The following HAO1 variants were observed in gnomAD, a reference collection of about 807,000 sequenced individuals.
HAO1 encodes 2-Hydroxyacid oxidase 1.
HAO1 carries 34 observed loss-of-function variants against 39.7 expected under a neutral mutation model. That is an observed-to-expected ratio of 0.86 (90% confidence interval 0.65 to 1.14). The LOEUF is 1.14. HAO1 is among the 50% of genes most tolerant of loss of function. The pLI, the probability that HAO1 is intolerant of heterozygous loss-of-function variation, is 0.00. For missense variants in HAO1, 479 were observed against 464.5 expected (o/e 1.03, Z -0.29); for synonymous variants, 172 against 173.2 (o/e 0.99, Z 0.05).
rs1192460385 is a variant in HAO1 at position 7,933,519 on chromosome 20, T to C, written c.289+965A>G. ...GAGGCCCCAAAGCCACTTATTTGTA[T>C]GTGGTCCTAGAATTAAGGAAGCTGC... is the stretch of plus-strand genomic sequence containing the variant. On this transcript the variant is annotated intron_variant, in intron 2 of 7. Coordinates refer to ENST00000378789, the MANE Select transcript of HAO1 (RefSeq NM_017545.3). Among the ~76,000 whole-genome samples, 8 of 152,328 alleles carry C rather than the reference T, an allele frequency of 5.3e-5. No homozygotes were observed. The East Asian group carries it at 1.5e-3, about 29-fold the overall frequency.
At chr20:7,931,081 G>A (rs1039306143) in intron 2 of HAO1, among the ~76,000 whole-genome samples, 3 of 152,134 alleles carry the variant, frequency 2.0e-5, no homozygotes, top group Non-Finnish European at 4.4e-5. Flanking sequence ...TAGAAACCCT[G>A]GAGAGAGGTT....
At chr20:7,888,084 G>C (rs1051309639) in intron 5 of HAO1, among the ~76,000 whole-genome samples, 2 of 152,086 alleles carry the variant, frequency 1.3e-5, no homozygotes, top group African/African-American at 4.8e-5. Flanking sequence ...GCTTCTTCGG[G>C]CAAGTAATTG....
chr20:7,926,683 A>G (rs1406956025), intron 2 of HAO1, among the ~76,000 whole-genome samples: 4 of 152,094 alleles, frequency 2.6e-5, no homozygotes, highest in Admixed American at 6.6e-5. Context: ...TTACTCTGCA[A>G]TCTGTTCCAC....
rs1416195104 is a variant in HAO1 at position 7,934,156 on chromosome 20, A to G, written c.289+328T>C. Among the ~76,000 whole-genome samples the G allele has an allele frequency of 2.0e-5, 3 of 152,144 alleles. No individual in the cohort carries two copies. In the East Asian group the frequency reaches 5.8e-4, roughly 29 times the overall value. ...TACTATTAATACCCATAATATAACC[A>G]ACAGTTACTGAGCCCCTACTCTCTG... On this transcript the variant is annotated intron_variant, in intron 2 of 7. Coordinates refer to ENST00000378789, the MANE Select transcript of HAO1 (RefSeq NM_017545.3).
At position 7,910,887 on chromosome 20, in the gene HAO1, C is replaced by T. The variant is rs185157578; in HGVS notation, c.545+3277G>A. Among the ~76,000 whole-genome samples the T allele has an allele frequency of 2.4e-3, 360 of 152,246 alleles. 1 individual carries two copies. Among genetic ancestry groups the T allele is most frequent in the Non-Finnish European group, 3.8e-3 (257 of 68,028 alleles). The stretch of plus-strand genomic sequence containing the variant: ...GTCCTCCACTGACCTCTCTCCCCTG[C>T]CCCCACCCTGTTATCTTGCTCATAT... On this transcript the variant is annotated intron_variant, in intron 3 of 7. Transcript: ENST00000378789.
chr20:7,931,617 A>C (rs2050386048), intron 2 of HAO1, among the ~76,000 whole-genome samples: 1 of 152,212 alleles, frequency 6.6e-6, no homozygotes, highest in Non-Finnish European at 1.5e-5. Flanking sequence ...CTGGAACATG[A>C]TAATTGCTTT....
At chr20:7,925,664 C>A (rs2050355703) in intron 2 of HAO1, among the ~76,000 whole-genome samples, 1 of 152,154 alleles carries the variant, frequency 6.6e-6, no homozygotes, top group Non-Finnish European at 1.5e-5. Flanking sequence ...ACAACTTCAA[C>A]CAACCTCCCA....
At chr20:7,914,733 C>A (rs561434260) in intron 2 of HAO1, among the ~76,000 whole-genome samples, 59 of 152,134 alleles carry the variant, frequency 3.9e-4, no homozygotes, top group African/African-American at 1.4e-3. Flanking sequence ...TCTGTAAATA[C>A]GGGCAAAAAA....
At chr20:7,940,070 G>A (rs2122807755) in intron 1 of HAO1, among the ~76,000 whole-genome samples, 1 of 152,198 alleles carries the variant, frequency 6.6e-6, no homozygotes, top group East Asian at 1.9e-4. Flanking sequence ...CATAGGTTTG[G>A]CTTTTGCAGT....
At chr20:7,936,548 T>TGTGTGTGTGCG (rs1555775557) in intron 1 of HAO1, among the ~76,000 whole-genome samples, 11 of 50,722 alleles carry the variant, frequency 2.2e-4, no homozygotes, top group African/African-American at 6.4e-4. Context: ...GTGTGTGTGT[T>TGTGTGTGTGCG]CGCGCGCGCG....
At chr20:7,911,588 T>G (rs75465924) in intron 3 of HAO1, among the ~76,000 whole-genome samples, 5,014 of 152,202 alleles carry the variant, frequency 0.033, 237 homozygotes, top group African/African-American at 0.1. Flanking sequence ...AGGAACCCCC[T>G]TGCCATTAAT....
chr20:7,894,169 T>G (rs575022656), intron 5 of HAO1, among the ~76,000 whole-genome samples: 4 of 152,096 alleles, frequency 2.6e-5, no homozygotes, highest in Admixed American at 6.6e-5. Context: ...CATGGATCCA[T>G]AAAATCCACC....
chr20:7,890,085 A>G (rs942626440), intron 5 of HAO1, among the ~76,000 whole-genome samples: 2 of 152,114 alleles, frequency 1.3e-5, no homozygotes, highest in African/African-American at 4.8e-5. Flanking sequence ...CGGTACACCA[A>G]ATGCTTTCTC....
At chr20:7,922,175 A>G (rs1488338907) in intron 2 of HAO1, among the ~76,000 whole-genome samples, 1 of 152,126 alleles carries the variant, frequency 6.6e-6, no homozygotes, top group African/African-American at 2.4e-5. Context: ...AGAGATATAA[A>G]TGGCCAATAG....
chr20:7,885,267 A>G (rs1422431724), intron 7 of HAO1, among the ~76,000 whole-genome samples: 1 of 152,170 alleles, frequency 6.6e-6, no homozygotes, highest in Non-Finnish European at 1.5e-5. Flanking sequence ...GAGGAAGAAT[A>G]TGATGTTACA....
At position 7,885,843 on chromosome 20, in the gene HAO1, C is replaced by G. The variant is rs750354153; in HGVS notation, c.835G>C (p.Val279Leu). 4 of 1,613,564 alleles carry G rather than the reference C, an allele frequency of 2.5e-6. No individual in the cohort carries two copies. Among genetic ancestry groups the G allele is most frequent in the East Asian group, 4.5e-5 (2 of 44,844 alleles). ...PATIDVLPEIVEAVEGKVEVF... is the reference protein window; with the variant it reads ...PATIDVLPEILEAVEGKVEVF... ...TCCACCTTCCCTTCCACAGCCTCCA[C>G]AATTTCTGGCAGAACATCAATCTGG... The change falls in exon 6 of 8, where the codon GTG becomes CTG. Residue 279 changes from valine (V) to leucine (L), a missense_variant. Physicochemically the swap from Val to Leu is conservative, Grantham distance 32. Coordinates refer to ENST00000378789, the MANE Select transcript of HAO1 (RefSeq NM_017545.3).
At chr20:7,910,704 A>G (rs934336423) in intron 3 of HAO1, among the ~76,000 whole-genome samples, 1 of 152,188 alleles carries the variant, frequency 6.6e-6, no homozygotes, top group Admixed American at 6.5e-5. Flanking sequence ...AAGCCCCTTA[A>G]GTTAATCACA....
intron 3 of HAO1, among the ~76,000 whole-genome samples, chr20:7,908,968 T>C (rs2050262627): frequency 6.6e-6 from 1 of 152,124 alleles, no homozygotes; most frequent in South Asian, 2.1e-4. Context: ...CCAGTCTGTC[T>C]ATCCCATAGC....
At chr20:7,897,150 G>T (rs2050201386) in intron 4 of HAO1, among the ~76,000 whole-genome samples, 1 of 152,320 alleles carries the variant, frequency 6.6e-6, no homozygotes, top group East Asian at 1.9e-4. Flanking sequence ...TCAGTCCATT[G>T]TCTTCTAGTA....
Sources: gnomAD v4.1 joint callset for allele counts (sites outside exome capture counted in the v4.1 genomes callset) on GRCh38, gnomAD v4.1.1 for gene constraint, MANE v1.5 for transcripts, NCBI Gene and HGNC (gene_info 2026-07-23, HGNC 2026-07-21) for gene names.